The following SLC2A13 variants were observed in gnomAD, a reference collection of about 807,000 sequenced individuals.
The protein encoded by SLC2A13 is proton myo-inositol cotransporter.
Under a neutral mutation model 64.4 loss-of-function variants are expected in SLC2A13, and 32 were observed. That is an observed-to-expected ratio of 0.50 (90% CI 0.37 to 0.67). The LOEUF (loss-of-function observed/expected upper bound fraction) is 0.67. SLC2A13 is among the 30% of genes least tolerant of loss of function. The probability of loss-of-function intolerance (pLI) is 0.00; values close to 1 mark genes in which losing one functional copy is unlikely to be tolerated. For missense variants in SLC2A13, 743 were observed against 829.2 expected (o/e 0.90, Z 1.28); for synonymous variants, 338 against 327.1 (o/e 1.03, Z -0.36).
At chr12:39,796,965 T>C (rs950271151) in intron 7 of SLC2A13, among the ~76,000 whole-genome samples, 5 of 152,222 alleles carry the variant, frequency 3.3e-5, no homozygotes, top group African/African-American at 4.8e-5. Flanking sequence ...CCAAATATCC[T>C]ATTAGAAAAA....
At position 40,048,149 on chromosome 12, in the gene SLC2A13, G is replaced by T. The variant is rs1592038136; in HGVS notation, c.618C>A (p.Gly206=). 6.2e-7 allele frequency: 1 copy of T among 1,613,458 alleles called. No homozygotes were observed. Among genetic ancestry groups the T allele is most frequent in the Non-Finnish European group, 8.5e-7 (1 of 1,179,692 alleles). ...AGAGGGTATTAATGGTGACTAATCG[G>T]CCTCTTAAATTGGGTGGTGAGACCT... The part of the protein sequence containing the change: ...IAEVSPPNLR[G]RLVTINTLFI... The change falls in exon 2 of 10, where the codon GGC becomes GGA. Residue 206 remains glycine (G), a synonymous_variant. Transcript: ENST00000280871.
intron 6 of SLC2A13, among the ~76,000 whole-genome samples, chr12:39,849,813 T>C (rs1300814406): frequency 6.6e-6 from 1 of 152,176 alleles, no homozygotes; most frequent in Non-Finnish European, 1.5e-5. Flanking sequence ...GTCATAAAAA[T>C]CCTACCTTAC....
chr12:39,979,058 G>A (rs936572774), intron 3 of SLC2A13, among the ~76,000 whole-genome samples: 8 of 151,876 alleles, frequency 5.3e-5, no homozygotes, highest in East Asian at 3.9e-4. Flanking sequence ...CCCCAGCAGC[G>A]GCACACTGAC....
At chr12:40,058,651 T>C (rs978534041) in intron 1 of SLC2A13, among the ~76,000 whole-genome samples, 2 of 152,180 alleles carry the variant, frequency 1.3e-5, no homozygotes, top group Non-Finnish European at 2.9e-5. Context: ...GCTATATACA[T>C]GTAACTCCAA....
At chr12:40,076,375 T>G (rs1938176500) in intron 1 of SLC2A13, among the ~76,000 whole-genome samples, 1 of 152,166 alleles carries the variant, frequency 6.6e-6, no homozygotes, top group Non-Finnish European at 1.5e-5. Context: ...GAGTACTCAG[T>G]GTTTAGCTCT....
rs1288024483 is a variant in SLC2A13, at chr12:39,839,754, A to C, written c.1320-9526T>G. ...ACATGACCATTGCTATAACCAATAC[A>C]CTGAGCCCCCATGACCTCTTTCTTT... On this transcript the variant is annotated intron_variant, in intron 6 of 9. Transcript: ENST00000280871. Among the ~76,000 whole-genome samples the C allele has an allele frequency of 2.0e-5, 3 of 151,996 alleles. No homozygotes were observed. The East Asian group carries it at 5.8e-4, about 29-fold the overall frequency.
chr12:39,972,620 C>A (rs1002151572), intron 3 of SLC2A13, among the ~76,000 whole-genome samples: 12 of 152,126 alleles, frequency 7.9e-5, no homozygotes, highest in Non-Finnish European at 1.6e-4. Context: ...CGTCAGTTAC[C>A]CTATCTATTA....
intron 4 of SLC2A13, among the ~76,000 whole-genome samples, chr12:39,946,117 G>C (rs1467786527): frequency 1.3e-5 from 2 of 152,136 alleles, no homozygotes; most frequent in Non-Finnish European, 2.9e-5. Context: ...TGCAGTGTTT[G>C]TTGTCTCTCT....
At chr12:39,813,043 C>T (rs1443086950) in intron 7 of SLC2A13, among the ~76,000 whole-genome samples, 3 of 88,782 alleles carry the variant, frequency 3.4e-5, no homozygotes, top group Non-Finnish European at 6.2e-5. Context: ...TGGGGTTTCA[C>T]CATGTTGGCC....
At chr12:39,980,401 C>T (rs1946866617) in intron 3 of SLC2A13, among the ~76,000 whole-genome samples, 1 of 151,432 alleles carries the variant, frequency 6.6e-6, no homozygotes. Flanking sequence ...GAGTCAAGAC[C>T]CATCAGTGTG....
chr12:39,981,963 A>T (rs1372078512), intron 3 of SLC2A13, among the ~76,000 whole-genome samples: 16 of 59,060 alleles, frequency 2.7e-4, no homozygotes, highest in African/African-American at 1.0e-3. Flanking sequence ...CAGCACATCA[A>T]AAAGCTTATC....
intron 3 of SLC2A13, among the ~76,000 whole-genome samples, chr12:40,014,394 A>C (rs1947584143): frequency 6.6e-6 from 1 of 152,212 alleles, no homozygotes; most frequent in Non-Finnish European, 1.5e-5. Flanking sequence ...TGAGACCCCA[A>C]ATTGAGAGAA....
intron 7 of SLC2A13, among the ~76,000 whole-genome samples, chr12:39,768,091 GC>G (rs1354315124): frequency 6.6e-6 from 1 of 152,098 alleles, no homozygotes; most frequent in Non-Finnish European, 1.5e-5. Context: ...AGCACTTGCT[GC>G]CTCACCTTGC....
intron 4 of SLC2A13, among the ~76,000 whole-genome samples, chr12:39,910,105 C>T (rs771728245): frequency 2.0e-5 from 3 of 152,088 alleles, no homozygotes; most frequent in Non-Finnish European, 4.4e-5. Context: ...CTGTCCCCTG[C>T]TTCCTCGTGC....
chr12:39,813,027 T>G (rs1942235138), intron 7 of SLC2A13, among the ~76,000 whole-genome samples: 1 of 137,266 alleles, frequency 7.3e-6, no homozygotes, highest in East Asian at 2.1e-4. Flanking sequence ...TTTTTTTTAG[T>G]AGAGATGGGG....
chr12:39,853,607 C>CTT lies in SLC2A13; in HGVS notation c.1319+11153_1319+11154dup, dbSNP rs748984164. On this transcript the variant is annotated intron_variant, in intron 6 of 9. Coordinates refer to ENST00000280871, the MANE Select transcript of SLC2A13 (RefSeq NM_052885.4). The stretch of plus-strand genomic sequence containing the variant: ...CTTCCTTCCTTCCTTTTCTTTCTTT[C>CTT]TTTTTTTTTTTGTTAAGTAATTTTC... 5.9e-3 allele frequency among the ~76,000 whole-genome samples: 806 copies of CTT among 136,184 alleles called. 30 individuals are homozygous for CTT. Among genetic ancestry groups the CTT allele is most frequent in the Admixed American group, 0.052 (698 of 13,548 alleles). The allele number at this position is 136,184 out of a possible 152,430, so 89.3% of individuals were successfully genotyped here.
At chr12:39,961,012 G>A (rs1380698592) in intron 3 of SLC2A13, among the ~76,000 whole-genome samples, 1 of 151,766 alleles carries the variant, frequency 6.6e-6, no homozygotes, top group Admixed American at 6.6e-5. Context: ...CTTCCAAAAT[G>A]CTGGGATTAC....
intron 7 of SLC2A13, among the ~76,000 whole-genome samples, chr12:39,771,240 T>C (rs1166927165): frequency 2.6e-5 from 4 of 152,098 alleles, no homozygotes; most frequent in Admixed American, 2.6e-4. Context: ...GTGTAGTTCC[T>C]TTTTCTGGAG....
At chr12:40,000,163 C>T (rs1947299511) in intron 3 of SLC2A13, among the ~76,000 whole-genome samples, 1 of 152,146 alleles carries the variant, frequency 6.6e-6, no homozygotes, top group Non-Finnish European at 1.5e-5. Flanking sequence ...TTGCCTTCTG[C>T]CATGATTGGG....
Sources: gnomAD v4.1 joint callset for allele counts (sites outside exome capture counted in the v4.1 genomes callset) on GRCh38, gnomAD v4.1.1 for gene constraint, MANE v1.5 for transcripts, NCBI Gene and HGNC (gene_info 2026-07-23, HGNC 2026-07-21) for gene names.